Variants in FNBP1 observed in about 807,000 individuals in gnomAD.
FNBP1 encodes formin-binding protein 1.
A neutral mutation model predicts 90.6 loss-of-function variants in FNBP1; 26 were observed. That is an observed-to-expected ratio of 0.29 (90% CI 0.21 to 0.40). The LOEUF (loss-of-function observed/expected upper bound fraction) is 0.40, where lower values mean the gene tolerates loss of function less well. Among genes scored for constraint, FNBP1 ranks in the 10% least tolerant of loss-of-function variants. The pLI is 1.00. For synonymous variants in FNBP1, 260 were observed against 265.2 expected (o/e 0.98, Z 0.19); for missense variants, 635 against 768.0 (o/e 0.83, Z 2.05).
intron 1 of FNBP1, among the ~76,000 whole-genome samples, chr9:130,022,668 T>TC (rs1450044959): frequency 6.6e-6 from 1 of 152,044 alleles, no homozygotes; most frequent in Non-Finnish European, 1.5e-5. Context: ...CAACACTCGC[T>TC]CTTTTTTTTT....
chr9:129,915,801 C>G (rs1488443446), intron 11 of FNBP1, among the ~76,000 whole-genome samples, 165 bp downstream of exon 11: 1 of 152,134 alleles, frequency 6.6e-6, no homozygotes, highest in African/African-American at 2.4e-5. Flanking sequence ...GATTCTGGAC[C>G]TTTGTATCCA....
intron 9 of FNBP1, among the ~76,000 whole-genome samples, chr9:129,924,659 C>G (rs1010479984): frequency 2.0e-5 from 3 of 152,152 alleles, no homozygotes; most frequent in Non-Finnish European, 2.9e-5. Flanking sequence ...TCTCTCCCAG[C>G]CAAGGTAACC....
chr9:129,964,272 A>AT, intron 4 of FNBP1, among the ~76,000 whole-genome samples: 1 of 152,016 alleles, frequency 6.6e-6, no homozygotes, highest in South Asian at 2.1e-4. Flanking sequence ...GGACAAAGAT[A>AT]AAAAGTGCTT....
intron 7 of FNBP1, 120 bp from the exon 8 acceptor site, chr9:129,927,461 A>G (rs2042084955): frequency 2.3e-6 from 2 of 866,054 alleles, no homozygotes; most frequent in Non-Finnish European, 3.7e-6. Context: ...TTAGAGTTAG[A>G]GCGGCTCTAA....
intron 2 of FNBP1, among the ~76,000 whole-genome samples, chr9:129,992,221 C>T (rs901780544): frequency 5.9e-5 from 9 of 152,110 alleles, no homozygotes; most frequent in African/African-American, 1.4e-4. Context: ...ACCAGTAGCC[C>T]GCTTGAGAGC....
intron 4 of FNBP1, among the ~76,000 whole-genome samples, chr9:129,970,705 A>G (rs893905527): frequency 1.3e-5 from 2 of 152,114 alleles, no homozygotes; most frequent in East Asian, 1.9e-4. Context: ...TGAAAATGCA[A>G]TTGCCCTAAG....
At chr9:129,927,422 T>G in intron 7 of FNBP1, 81 bp from the exon 8 acceptor site, 1 of 1,369,768 alleles carries the variant, frequency 7.3e-7, no homozygotes, top group Non-Finnish European at 1.0e-6. Flanking sequence ...TTGTTACCTC[T>G]AACAAGTTCT....
At chr9:130,049,601 T>C in the FNBP1 span, among the ~76,000 whole-genome samples, 1 of 151,552 alleles carries the variant, frequency 6.6e-6, no homozygotes, top group Admixed American at 6.6e-5. Context: ...CTTGGGGGCT[T>C]GAGGCAGTAG....
chr9:129,894,384 C>CA (rs574663301), intron 16 of FNBP1, among the ~76,000 whole-genome samples: 38 of 152,220 alleles, frequency 2.5e-4, no homozygotes, highest in African/African-American at 7.9e-4. Flanking sequence ...TGTGGTGAGA[C>CA]ATTTTACTTC....
chr9:129,948,568 G>A (rs1368041872), intron 6 of FNBP1, among the ~76,000 whole-genome samples: 1 of 149,654 alleles, frequency 6.7e-6, no homozygotes, highest in African/African-American at 2.5e-5. Context: ...TCAAGACGGA[G>A]TTTTGCTCTT....
At chr9:130,028,570 C>T (rs2058551194) in intron 1 of FNBP1, among the ~76,000 whole-genome samples, 1 of 152,104 alleles carries the variant, frequency 6.6e-6, no homozygotes, top group Admixed American at 6.6e-5. Flanking sequence ...CCTCCAGCTC[C>T]ACTTATTATG....
intron 11 of FNBP1, among the ~76,000 whole-genome samples, chr9:129,911,082 G>A (rs758593090): frequency 3.3e-5 from 5 of 152,118 alleles, no homozygotes; most frequent in Admixed American, 1.3e-4. Context: ...GGCTGGTCTC[G>A]AACTCCCGAC....
intron 1 of FNBP1, among the ~76,000 whole-genome samples, chr9:130,013,223 CCCTGCCT>C (rs2056847685): frequency 6.6e-6 from 1 of 150,854 alleles, no homozygotes. Context: ...CAAGCAATCC[CCCTGCCT>C]CGGCCTCCCA....
chr9:129,985,287 G>A (rs535916964), intron 2 of FNBP1, among the ~76,000 whole-genome samples: 10 of 136,332 alleles, frequency 7.3e-5, no homozygotes, highest in Non-Finnish European at 1.2e-4. Context: ...ACAAACACAC[G>A]CCAGGTGTTG....
At chr9:129,931,440 A>T (rs1021316044) in intron 6 of FNBP1, among the ~76,000 whole-genome samples, 8 of 150,452 alleles carry the variant, frequency 5.3e-5, no homozygotes, top group African/African-American at 2.0e-4. Flanking sequence ...CGTCTCTACT[A>T]AAAAAAATAC....
intron 1 of FNBP1, among the ~76,000 whole-genome samples, chr9:130,014,308 A>C (rs1435580813): frequency 1.3e-5 from 2 of 149,028 alleles, no homozygotes; most frequent in Non-Finnish European, 3.0e-5. Flanking sequence ...CTGGAGTGCA[A>C]TGGCGCAATC....
chr9:130,038,215 C>A (rs2059502085), intron 1 of FNBP1, among the ~76,000 whole-genome samples: 2 of 151,602 alleles, frequency 1.3e-5, no homozygotes, highest in South Asian at 4.2e-4. Flanking sequence ...ATTAGCCGGG[C>A]GTGGTGGCGG....
chr9:129,954,068 G>A (rs747500520), intron 6 of FNBP1, among the ~76,000 whole-genome samples: 2 of 151,324 alleles, frequency 1.3e-5, no homozygotes, highest in Non-Finnish European at 2.9e-5. Flanking sequence ...CTTAAAAAAC[G>A]TATCCAGAAA....
At chr9:130,025,959 G>A (rs2058301613) in intron 1 of FNBP1, among the ~76,000 whole-genome samples, 2 of 152,090 alleles carry the variant, frequency 1.3e-5, no homozygotes, top group Non-Finnish European at 2.9e-5. Flanking sequence ...GAAATATCAT[G>A]ACAACCAGCA....
Sources: allele counts gnomAD v4.1 joint callset (sites outside exome capture counted in the v4.1 genomes callset), GRCh38; gene constraint gnomAD v4.1.1; transcripts MANE v1.5; gene names NCBI Gene and HGNC (gene_info 2026-07-23, HGNC 2026-07-21).